Variants in WWP2 observed in about 807,000 individuals in gnomAD.
The protein encoded by WWP2 is NEDD4-like E3 ubiquitin-protein ligase WWP2.
WWP2 carries 57 observed loss-of-function variants against 121.0 expected under a neutral mutation model. The ratio of observed to expected loss-of-function variants is 0.47; its 90% confidence interval spans 0.38 to 0.59. The LOEUF is 0.59. Among genes scored for constraint, WWP2 ranks in the 20% least tolerant of loss-of-function variants. The pLI, the probability that WWP2 is intolerant of heterozygous loss-of-function variation, is 0.00. For missense variants in WWP2, 962 were observed against 1,158.9 expected, an observed-to-expected ratio of 0.83 and a Z score of 2.47; for synonymous variants, 449 against 441.3, an observed-to-expected ratio of 1.02 and a Z score of -0.22.
chr16:69,919,093 C>T lies in WWP2; in HGVS notation c.1179+1210C>T, dbSNP rs578029747. Among the ~76,000 whole-genome samples the T allele has an allele frequency of 1.3e-4, 3 of 22,396 alleles. No individual in the cohort carries two copies. The African/African-American group carries it at 1.4e-3, about 11-fold the overall frequency. The allele number at this position is 22,396 out of a possible 152,430, so 14.7% of individuals were successfully genotyped here. A position where few individuals can be genotyped will look rare whatever the true frequency, so the allele number is the denominator to read the frequency against. The stretch of plus-strand genomic sequence containing the variant: ...TCCTGACCTCAAGTGACCTGCCCTC[C>T]TCGGCCTCCCAAAGTGCTGGGATTA... On this transcript the variant is annotated intron_variant, in intron 10 of 23. Coordinates refer to ENST00000359154, the MANE Select transcript of WWP2 (RefSeq NM_001270454.2).
chr16:69,797,035 G>A (rs1319168451), intron 2 of WWP2, among the ~76,000 whole-genome samples: 1 of 152,218 alleles, frequency 6.6e-6, no homozygotes. Context: ...ACAGGCAAGG[G>A]AGCATCAGTT....
chr16:69,916,910 T>G (rs2058487226), intron 9 of WWP2, among the ~76,000 whole-genome samples: 2 of 152,176 alleles, frequency 1.3e-5, no homozygotes, highest in Non-Finnish European at 1.5e-5. Flanking sequence ...ACGCCTGTAA[T>G]CTCAGCACTT....
intron 1 of WWP2, among the ~76,000 whole-genome samples, chr16:69,781,490 G>T (rs2055663385): frequency 6.6e-6 from 1 of 152,090 alleles, no homozygotes; most frequent in Non-Finnish European, 1.5e-5. Flanking sequence ...GGGTCCACAG[G>T]CATGTGCCAT....
chr16:69,800,315 C>G (rs1162359686), intron 4 of WWP2, among the ~76,000 whole-genome samples: 1 of 152,092 alleles, frequency 6.6e-6, no homozygotes, highest in East Asian at 1.9e-4. Flanking sequence ...GTTTATTTTC[C>G]CAAACCCTAG....
chr16:69,773,538 G>A (rs2055462966), intron 1 of WWP2, among the ~76,000 whole-genome samples: 1 of 151,804 alleles, frequency 6.6e-6, no homozygotes, highest in Admixed American at 6.6e-5. Context: ...CTGGAGTGCA[G>A]TGGAGTGATT....
At chr16:69,889,315 A>ACCCCT (rs1159001234) in intron 8 of WWP2, among the ~76,000 whole-genome samples, 2 of 152,140 alleles carry the variant, frequency 1.3e-5, no homozygotes, top group Non-Finnish European at 2.9e-5. Context: ...ATGAAGCGAG[A>ACCCCT]CCCCTGTCTC....
At chr16:69,910,700 C>T (rs991239112) in intron 9 of WWP2, among the ~76,000 whole-genome samples, 5 of 152,246 alleles carry the variant, frequency 3.3e-5, no homozygotes, top group Admixed American at 6.5e-5. Flanking sequence ...TGAGCCACTG[C>T]GCCCAGCCTA....
chr16:69,891,103 G>A (rs547696924), intron 8 of WWP2, among the ~76,000 whole-genome samples: 3 of 152,272 alleles, frequency 2.0e-5, no homozygotes, highest in African/African-American at 7.2e-5. Context: ...CCACCTACCT[G>A]GAGACTGACT....
rs1341744941 is a variant in WWP2 at position 69,937,001 on chromosome 16, G to A, written c.2118-117G>A. 8 of 1,397,968 alleles carry A rather than the reference G, an allele frequency of 5.7e-6. No homozygotes were observed. The highest frequency in any genetic ancestry group is 2.4e-5 in the Admixed American group (1 of 41,620). The allele number at this position is 1,397,968 out of a possible 1,614,324, so 86.6% of individuals were successfully genotyped here. A position where few individuals can be genotyped will look rare whatever the true frequency, so the allele number is the denominator to read the frequency against. ...CCTCCAGCAGGCTGGGTCTGGGTGT[G>A]CGAAGTGGGCTCTGCTGATCTGGTG... On this transcript the variant is annotated intron_variant, in intron 19 of 23. Coordinates refer to ENST00000359154, the MANE Select transcript of WWP2 (RefSeq NM_001270454.2). This position sits in a 1 kb window ranked among gnomAD's most constrained non-coding sequence, Gnocchi z 6.6.
At chr16:69,927,970 T>TTTTTA (rs2058663685) in intron 11 of WWP2, among the ~76,000 whole-genome samples, 1 of 152,306 alleles carries the variant, frequency 6.6e-6, no homozygotes, top group South Asian at 2.1e-4. Flanking sequence ...CCTGTCTTTA[T>TTTTTA]TTTTATTTTA....
At chr16:69,857,856 T>G (rs8048550) in intron 6 of WWP2, among the ~76,000 whole-genome samples, 102,900 of 151,526 alleles carry the variant, frequency 0.68, 36,596 homozygotes, top group East Asian at 0.9. Context: ...GTAGTGACAG[T>G]GTCTTCCTGT....
chr16:69,801,183 A>T (rs1176544967), intron 4 of WWP2, among the ~76,000 whole-genome samples: 1 of 110,398 alleles, frequency 9.1e-6, no homozygotes, highest in Non-Finnish European at 1.8e-5. Flanking sequence ...AGCAAGTCTT[A>T]AAAAAAAAAA....
At chr16:69,832,308 T>G in intron 4 of WWP2, among the ~76,000 whole-genome samples, 1 of 150,288 alleles carries the variant, frequency 6.7e-6, no homozygotes, top group Non-Finnish European at 1.5e-5. Context: ...CTGTCTCATC[T>G]AACTTCCCAT....
At chr16:69,810,308 G>A (rs2056365694) in intron 4 of WWP2, among the ~76,000 whole-genome samples, 1 of 4,124 alleles carries the variant, frequency 2.4e-4, no homozygotes, top group South Asian at 6.3e-3. Flanking sequence ...GGGGACATTC[G>A]CCCTGGCCAT....
rs558848921 is a variant in WWP2, at chr16:69,807,185, G to A, written c.340+7890G>A. On this transcript the variant is annotated intron_variant, in intron 4 of 23. Transcript: ENST00000359154. ...CTGGTAGCTGGGGTTACAGGCACAC[G>A]TCACCATGCCCGGCTAATTTTGTAT... 2.0e-4 allele frequency among the ~76,000 whole-genome samples: 30 copies of A among 151,908 alleles called. 1 individual carries two copies. Among genetic ancestry groups the A allele is most frequent in the Middle Eastern group, 3.4e-3 (1 of 294 alleles).
chr16:69,795,649 G>GTTTTTTTTTTTTTT lies in WWP2; in HGVS notation c.71-3020_71-3007dup, dbSNP rs386384998. Among the ~76,000 whole-genome samples, 2 of 66,954 alleles carry GTTTTTTTTTTTTTT rather than the reference G, an allele frequency of 3.0e-5. 1 individual carries two copies. The highest frequency in any genetic ancestry group is 1.0e-3 in the East Asian group (2 of 2,006). 43.9% of individuals were successfully genotyped at this position (66,954 alleles called of 152,430 possible). On this transcript the variant is annotated intron_variant, in intron 2 of 23. Transcript: ENST00000359154. The stretch of plus-strand genomic sequence containing the variant: ...TAGATTGGAAACTTAAAAATAGGAG[G>GTTTTTTTTTTTTTT]TTTTTTTTTTTTTTTTTTTTTTTTT...
In WWP2 at chr16:69,798,703, T is replaced by C; in HGVS notation, c.92T>C (p.Val31Ala). Residue 31 changes from valine (V) to alanine (A), a missense_variant, in exon 3 of 24, where the codon GTG (valine) becomes GCG (alanine). Transcript: ENST00000359154. ...CCAGTGGTGTCCGCAAAGCCCAAGG[T>C]GCATAATCGTCAACCTCGAATTAAC... ...TLKVVSAKPK[V>A]HNRQPRINSY... 1 of 1,614,016 alleles carries C rather than the reference T, an allele frequency of 6.2e-7. No homozygotes were observed. Among genetic ancestry groups the C allele is most frequent in the South Asian group, 1.1e-5 (1 of 91,070 alleles).
At chr16:69,909,515 C>T in intron 9 of WWP2, 2 of 985,478 alleles carry the variant, frequency 2.0e-6, no homozygotes, top group South Asian at 9.4e-5. Flanking sequence ...ACCTCATCTT[C>T]TGGTCCCATA....
intron 11 of WWP2, chr16:69,926,242 T>C (rs945888687): frequency 2.6e-5 from 4 of 152,134 alleles, no homozygotes; most frequent in African/African-American, 9.7e-5. Flanking sequence ...TGATGAGACT[T>C]AGCGCATTTG....
Sources: gnomAD v4.1 joint callset for allele counts (sites outside exome capture counted in the v4.1 genomes callset) on GRCh38, gnomAD v4.1.1 for gene constraint, Gnocchi (gnomAD v3.1) non-coding constraint, MANE v1.5 for transcripts, NCBI Gene and HGNC (gene_info 2026-07-23, HGNC 2026-07-21) for gene names.